Variants in RGS6 observed in about 807,000 individuals in gnomAD.
The protein encoded by RGS6 is regulator of G protein signaling 6, also known as regulator of G-protein signaling 6.
Under a neutral mutation model 78.5 loss-of-function variants are expected in RGS6, and 30 were observed. That is an observed-to-expected ratio of 0.38 (90% CI 0.29 to 0.52). The LOEUF (loss-of-function observed/expected upper bound fraction) is 0.52. RGS6 is among the 20% of genes least tolerant of loss of function. The pLI is 0.85. For synonymous variants in RGS6, 206 were observed against 206.0 expected (o/e 1.00, Z 0.00); for missense variants, 495 against 609.7 (o/e 0.81, Z 1.98).
At chr14:72,504,931 T>TA (rs1354153753) in intron 13 of RGS6, among the ~76,000 whole-genome samples, 1 of 135,578 alleles carries the variant, frequency 7.4e-6, no homozygotes, top group East Asian at 2.1e-4. Flanking sequence ...ATTTTTTTTT[T>TA]TTTTTTTTTT....
intron 2 of RGS6, among the ~76,000 whole-genome samples, chr14:72,034,619 TG>T (rs2091413900): frequency 6.6e-6 from 1 of 152,214 alleles, no homozygotes; most frequent in Non-Finnish European, 1.5e-5. Context: ...GGGATCCTTG[TG>T]GTTTTCTTGT....
chr14:72,305,100 T>C (rs1273680672), intron 2 of RGS6, among the ~76,000 whole-genome samples: 1 of 152,236 alleles, frequency 6.6e-6, no homozygotes, highest in African/African-American at 2.4e-5. Context: ...CAAGTGTCTT[T>C]TCATATGCTT....
intron 3 of RGS6, among the ~76,000 whole-genome samples, chr14:72,393,531 G>A (rs565105741): frequency 6.6e-6 from 1 of 152,194 alleles, no homozygotes; most frequent in East Asian, 1.9e-4. Context: ...AGGTGTGTTG[G>A]CCAGTAGTAA....
intron 17 of RGS6, among the ~76,000 whole-genome samples, chr14:72,545,796 T>C (rs933622908): frequency 2.6e-5 from 4 of 152,128 alleles, no homozygotes; most frequent in Admixed American, 2.6e-4. Context: ...GGTTCACTCG[T>C]CCACGGTGAG....
At chr14:72,367,057 A>G (rs2082581294) in intron 3 of RGS6, among the ~76,000 whole-genome samples, 1 of 152,230 alleles carries the variant, frequency 6.6e-6, no homozygotes, top group African/African-American at 2.4e-5. Context: ...TACCAGAGAC[A>G]TGATGTAATG....
chr14:71,891,394 T>C, the RGS6 span, among the ~76,000 whole-genome samples: 2 of 152,190 alleles, frequency 1.3e-5, no homozygotes, highest in Non-Finnish European at 2.9e-5. Flanking sequence ...ATGCTGGCTG[T>C]TGGCGAGGAG....
chr14:72,055,034 T>C (rs776205509), intron 2 of RGS6, among the ~76,000 whole-genome samples: 10 of 152,232 alleles, frequency 6.6e-5, no homozygotes, highest in Non-Finnish European at 1.5e-5. Flanking sequence ...ACTCATGTCA[T>C]TGGGCATTCA....
At chr14:72,506,297 C>G (rs2096798445) in intron 13 of RGS6, among the ~76,000 whole-genome samples, 1 of 152,164 alleles carries the variant, frequency 6.6e-6, no homozygotes, top group African/African-American at 2.4e-5. Flanking sequence ...TAAAACTCTA[C>G]TAGAGAATAT....
intron 2 of RGS6, among the ~76,000 whole-genome samples, chr14:71,981,246 C>G (rs1218585990): frequency 1.3e-5 from 2 of 151,982 alleles, no homozygotes. Context: ...TCGTCTGAAG[C>G]CTTCTTCTCT....
chr14:71,979,543 G>T (rs1418591010), intron 2 of RGS6, among the ~76,000 whole-genome samples: 1 of 152,102 alleles, frequency 6.6e-6, no homozygotes, highest in Non-Finnish European at 1.5e-5. Context: ...TTCAGGAGCA[G>T]GTTGTTCAGT....
At chr14:72,057,111 C>T (rs556300397) in intron 2 of RGS6, among the ~76,000 whole-genome samples, 32 of 151,866 alleles carry the variant, frequency 2.1e-4, no homozygotes, top group African/African-American at 6.5e-4. Flanking sequence ...GTCAGGAGTT[C>T]GAGACCAGCC....
chr14:71,990,716 C>G (rs896103640), intron 2 of RGS6: 8 of 455,950 alleles, frequency 1.8e-5, no homozygotes, highest in Non-Finnish European at 3.1e-5. Context: ...ATCTCCTCCT[C>G]TCTACATGCT....
intron 17 of RGS6, among the ~76,000 whole-genome samples, chr14:72,541,982 A>C (rs2097333590): frequency 6.6e-6 from 1 of 152,186 alleles, no homozygotes; most frequent in African/African-American, 2.4e-5. Context: ...ACAAGAAAGC[A>C]CCAAGACACC....
chr14:72,108,025 CT>C (rs2095670232), intron 2 of RGS6, among the ~76,000 whole-genome samples: 1 of 152,046 alleles, frequency 6.6e-6, no homozygotes, highest in South Asian at 2.1e-4. Flanking sequence ...ATTTAATGTT[CT>C]TAGTTTCATA....
intron 1 of RGS6, among the ~76,000 whole-genome samples, chr14:71,960,020 T>C (rs891343706): frequency 5.9e-5 from 9 of 152,342 alleles, no homozygotes; most frequent in Admixed American, 1.3e-4. Flanking sequence ...AGGCCCTTCC[T>C]TCCTGCTCTG....
At chr14:72,404,346 AG>A (rs1289082554) in intron 3 of RGS6, among the ~76,000 whole-genome samples, 1 of 152,194 alleles carries the variant, frequency 6.6e-6, no homozygotes, top group African/African-American at 2.4e-5. Flanking sequence ...CTGAAGCTTG[AG>A]GGAAGGTGTT....
intron 2 of RGS6, among the ~76,000 whole-genome samples, chr14:72,087,455 T>C (rs2095092747): frequency 6.6e-6 from 1 of 152,146 alleles, no homozygotes; most frequent in Admixed American, 6.6e-5. Flanking sequence ...TATATACTTT[T>C]TTAATGGAAT....
rs111227785 is a variant in RGS6, at chr14:72,254,224, C to A, written c.85-97871C>A. Among the ~76,000 whole-genome samples the A allele has an allele frequency of 7.8e-3, 1,184 of 152,274 alleles. 16 individuals carry two copies. Among genetic ancestry groups the A allele is most frequent in the African/African-American group, 0.027 (1,121 of 41,532 alleles). ...ATCTGTTAATAGTTTGATTCACAAG[C>A]CTGGCCTTTGAAAAAGTAAAAATTG... On this transcript the variant is annotated intron_variant, in intron 2 of 17. Coordinates refer to ENST00000553525, the MANE Select transcript of RGS6 (RefSeq NM_001204424.2).
chr14:72,038,701 T>G (rs761752694), intron 2 of RGS6, among the ~76,000 whole-genome samples: 1 of 152,208 alleles, frequency 6.6e-6, no homozygotes, highest in Non-Finnish European at 1.5e-5. Flanking sequence ...TTAAAAAATA[T>G]TTGGTTTCCA....
Sources: allele counts gnomAD v4.1 joint callset (sites outside exome capture counted in the v4.1 genomes callset), GRCh38; gene constraint gnomAD v4.1.1; transcripts MANE v1.5; gene names NCBI Gene and HGNC (gene_info 2026-07-23, HGNC 2026-07-21).